The following IPO11 variants were observed in gnomAD, a reference collection of about 807,000 sequenced individuals.
IPO11 encodes importin 11, also known as importin-11.
IPO11 carries 66 observed loss-of-function variants against 143.2 expected under a neutral mutation model. That is an observed-to-expected ratio of 0.46 (90% CI 0.38 to 0.57). IPO11 has a LOEUF of 0.57. Among genes scored for constraint, IPO11 ranks in the 20% least tolerant of loss-of-function variants. The pLI, the probability that IPO11 is intolerant of heterozygous loss-of-function variation, is 0.00. For missense variants in IPO11, 1,026 were observed against 1,141.0 expected (o/e 0.90, Z 1.45); for synonymous variants, 385 against 377.8 (o/e 1.02, Z -0.22).
At chr5:62,461,858 T>C (rs912364087) in intron 5 of IPO11, among the ~76,000 whole-genome samples, 1 of 152,198 alleles carries the variant, frequency 6.6e-6, no homozygotes, top group Non-Finnish European at 1.5e-5. Context: ...TACATTATAC[T>C]TACGTTGAAC....
intron 16 of IPO11, among the ~76,000 whole-genome samples, chr5:62,497,235 G>A (rs544214871): frequency 2.6e-5 from 4 of 152,222 alleles, no homozygotes; most frequent in African/African-American, 7.2e-5. Flanking sequence ...AGAAAGAGCA[G>A]GGCTACCCCA....
At chr5:62,614,417 G>T (rs1320242698) in intron 29 of IPO11, among the ~76,000 whole-genome samples, 1 of 152,234 alleles carries the variant, frequency 6.6e-6, no homozygotes, top group Non-Finnish European at 1.5e-5. Context: ...CTTCCCGCCA[G>T]CATTGTCATT....
At chr5:62,513,205 G>A (rs1343454980) in intron 19 of IPO11, among the ~76,000 whole-genome samples, 2 of 151,936 alleles carry the variant, frequency 1.3e-5, no homozygotes, top group Admixed American at 6.5e-5. Flanking sequence ...TGGCTGGCCA[G>A]GCGGGGCGCT....
intron 2 of IPO11, among the ~76,000 whole-genome samples, chr5:62,438,834 C>T (rs116429782): frequency 0.091 from 13,803 of 151,458 alleles, 672 homozygotes; most frequent in East Asian, 0.14. Flanking sequence ...CCAAGGCGGG[C>T]GAATCACGTG....
intron 29 of IPO11, 107 bp downstream of exon 29, chr5:62,601,955 A>G (rs1353871175): frequency 1.7e-6 from 1 of 582,964 alleles, no homozygotes; most frequent in Non-Finnish European, 2.9e-6. Context: ...ATGTCTATCC[A>G]TCTATCCCAT....
At chr5:62,509,458 A>G (rs1446071774) in intron 19 of IPO11, among the ~76,000 whole-genome samples, 1 of 152,208 alleles carries the variant, frequency 6.6e-6, no homozygotes, top group African/African-American at 2.4e-5. Context: ...TCATAAGACT[A>G]TAATACTCAA....
At chr5:62,459,749 C>T (rs1455014213) in intron 5 of IPO11, among the ~76,000 whole-genome samples, 1 of 152,210 alleles carries the variant, frequency 6.6e-6, no homozygotes, top group East Asian at 1.9e-4. Context: ...AGGGGTTTCA[C>T]CATATTGGCC....
chr5:62,517,298 A>T (rs1405081932), intron 20 of IPO11, among the ~76,000 whole-genome samples: 1 of 152,212 alleles, frequency 6.6e-6, no homozygotes. Context: ...ATAGAAGAGG[A>T]TAAAGACTAA....
chr5:62,621,389 C>G (rs979696681), intron 29 of IPO11, among the ~76,000 whole-genome samples: 1 of 152,160 alleles, frequency 6.6e-6, no homozygotes, highest in African/African-American at 2.4e-5. Context: ...GTCCCCATCT[C>G]GCAGATTGAA....
intron 24 of IPO11, 38 bp from the exon 25 acceptor site, chr5:62,550,329 T>A: frequency 2.8e-6 from 4 of 1,434,760 alleles, no homozygotes; most frequent in Non-Finnish European, 3.9e-6. Flanking sequence ...AAGCAATGAC[T>A]TGCAGTATTA....
intron 5 of IPO11, among the ~76,000 whole-genome samples, chr5:62,463,917 G>C (rs547744963): frequency 1.3e-5 from 2 of 151,696 alleles, no homozygotes; most frequent in South Asian, 4.2e-4. Flanking sequence ...TCCACCTCCT[G>C]GGTTCAAGCA....
At chr5:62,616,655 G>A (rs1746147621) in intron 29 of IPO11, among the ~76,000 whole-genome samples, 1 of 146,760 alleles carries the variant, frequency 6.8e-6, no homozygotes, top group Admixed American at 6.9e-5. Flanking sequence ...GGGAGGCAGA[G>A]GTTGCAGTGA....
intron 5 of IPO11, among the ~76,000 whole-genome samples, chr5:62,463,201 C>T (rs1208189521): frequency 6.6e-6 from 1 of 152,008 alleles, no homozygotes; most frequent in Non-Finnish European, 1.5e-5. Context: ...GCCACCATGT[C>T]CAGCTAATTT....
chr5:62,513,023 T>C (rs1345418221), intron 19 of IPO11, among the ~76,000 whole-genome samples: 1 of 150,320 alleles, frequency 6.7e-6, no homozygotes, highest in Non-Finnish European at 1.5e-5. Context: ...TTTCTCAATC[T>C]TTTCCCCACC....
chr5:62,627,097 G>A, intron 29 of IPO11, 57 bp from the exon 30 acceptor site: 4 of 1,493,434 alleles, frequency 2.7e-6, no homozygotes, highest in South Asian at 2.6e-5. Flanking sequence ...GTAAATTGCA[G>A]GTAGGAGAGA....
At chr5:62,426,931 GTTTTTTTTTTTTT>G in intron 1 of IPO11, among the ~76,000 whole-genome samples, 1 of 90,254 alleles carries the variant, frequency 1.1e-5, no homozygotes, top group Admixed American at 1.5e-4. Flanking sequence ...TTTTCTTTCT[GTTTTTTTTTTTTT>G]TTTTTTTTTT....
At chr5:62,483,000 C>T in intron 9 of IPO11, 101 bp from the exon 10 acceptor site, 1 of 778,060 alleles carries the variant, frequency 1.3e-6, no homozygotes, top group Non-Finnish European at 2.0e-6. Context: ...AAGGTTCAAA[C>T]TGCTAAATGA....
intron 20 of IPO11, among the ~76,000 whole-genome samples, chr5:62,524,928 A>G (rs1393144504): frequency 1.3e-5 from 2 of 152,132 alleles, no homozygotes; most frequent in East Asian, 3.9e-4. Context: ...AATTATAGAT[A>G]TTATTATGTT....
At chr5:62,624,029 G>GT (rs541430191) in intron 29 of IPO11, among the ~76,000 whole-genome samples, 62 of 148,254 alleles carry the variant, frequency 4.2e-4, no homozygotes, top group Non-Finnish European at 6.6e-4. Context: ...TCCCCCCACC[G>GT]TTTTTTTTGT....
Sources: gnomAD v4.1 joint callset for allele counts (sites outside exome capture counted in the v4.1 genomes callset) on GRCh38, gnomAD v4.1.1 for gene constraint, MANE v1.5 for transcripts, NCBI Gene and HGNC (gene_info 2026-07-23, HGNC 2026-07-21) for gene names.